Variants in PIP5K1B observed in about 807,000 individuals in gnomAD.
PIP5K1B encodes phosphatidylinositol 4-phosphate 5-kinase type-1 beta.
Under a neutral mutation model 67.0 loss-of-function variants are expected in PIP5K1B, and 42 were observed. The ratio of observed to expected loss-of-function variants is 0.63; its 90% CI spans 0.49 to 0.81. The LOEUF (loss-of-function observed/expected upper bound fraction) is 0.81. Ranked by LOEUF, PIP5K1B falls within the 30% of genes least tolerant of loss-of-function variation. The pLI is 0.00. For synonymous variants in PIP5K1B, 214 were observed against 231.4 expected (o/e 0.92, Z 0.68); for missense variants, 459 against 646.3 (o/e 0.71, Z 3.14).
intron 1 of PIP5K1B, among the ~76,000 whole-genome samples, chr9:68,718,900 T>C (rs562584572): frequency 6.6e-6 from 1 of 152,196 alleles, no homozygotes; most frequent in Middle Eastern, 3.2e-3. Context: ...TGTTGGCTAT[T>C]GAAAGTCCAT....
chr9:68,710,991 G>A (rs1587324352), intron 1 of PIP5K1B, among the ~76,000 whole-genome samples: 1 of 152,298 alleles, frequency 6.6e-6, no homozygotes, highest in East Asian at 1.9e-4. Context: ...TTCAGGCAAG[G>A]ATTGGAATTG....
chr9:68,835,337 T>C (rs1490755870), intron 4 of PIP5K1B, among the ~76,000 whole-genome samples: 1 of 152,222 alleles, frequency 6.6e-6, no homozygotes, highest in African/African-American at 2.4e-5. Flanking sequence ...AGGGAGTGTG[T>C]GGCCAGGGCC....
At chr9:68,772,647 G>A (rs977195666) in intron 2 of PIP5K1B, among the ~76,000 whole-genome samples, 2 of 152,160 alleles carry the variant, frequency 1.3e-5, no homozygotes, top group Non-Finnish European at 2.9e-5. Context: ...TCTTAGAAAT[G>A]TGGTTTTGCC....
chr9:69,002,916 G>A (rs1830888388), intron 15 of PIP5K1B, among the ~76,000 whole-genome samples: 1 of 152,190 alleles, frequency 6.6e-6, no homozygotes, highest in African/African-American at 2.4e-5. Context: ...GCAGGAGGCG[G>A]AGGTTGCAGT....
chr9:68,986,596 T>TA (rs973789244), intron 14 of PIP5K1B, among the ~76,000 whole-genome samples: 1 of 152,034 alleles, frequency 6.6e-6, no homozygotes, highest in African/African-American at 2.4e-5. Flanking sequence ...AACAACGTTT[T>TA]AAAAAAAAGA....
At chr9:68,877,718 C>CT (rs1334316094) in intron 6 of PIP5K1B, among the ~76,000 whole-genome samples, 1 of 152,148 alleles carries the variant, frequency 6.6e-6, no homozygotes, top group African/African-American at 2.4e-5. Flanking sequence ...GATGAAGACT[C>CT]TCGGATGTCT....
At chr9:68,822,919 A>G (rs1312865625) in intron 4 of PIP5K1B, among the ~76,000 whole-genome samples, 1 of 152,184 alleles carries the variant, frequency 6.6e-6, no homozygotes, top group Non-Finnish European at 1.5e-5. Context: ...ATGTGTTTGC[A>G]GAGCTGTATT....
chr9:68,988,268 A>T (rs1337318799), intron 14 of PIP5K1B, among the ~76,000 whole-genome samples: 1 of 151,322 alleles, frequency 6.6e-6, no homozygotes, highest in Non-Finnish European at 1.5e-5. Context: ...ATTAAAGTTT[A>T]AAAAAAAATT....
At chr9:68,949,455 C>T (rs1008958089) in intron 14 of PIP5K1B, among the ~76,000 whole-genome samples, 1 of 152,206 alleles carries the variant, frequency 6.6e-6, no homozygotes. Context: ...TGAAACAGCA[C>T]CTGTCTGTGG....
chr9:68,780,120 C>T (rs1277229370), intron 2 of PIP5K1B: 1 of 1,490,540 alleles, frequency 6.7e-7, no homozygotes, highest in Non-Finnish European at 8.9e-7. Flanking sequence ...GAATGGGAAT[C>T]CTAGGTCCCT....
At chr9:68,728,873 G>C (rs183506062) in intron 1 of PIP5K1B, 1 of 152,294 alleles carries the variant, frequency 6.6e-6, no homozygotes, top group African/African-American at 2.4e-5. Context: ...GCTTAAAGCT[G>C]AGAGTGTTTT....
intron 4 of PIP5K1B, among the ~76,000 whole-genome samples, chr9:68,860,780 G>A (rs1287494100): frequency 6.6e-6 from 1 of 152,174 alleles, no homozygotes; most frequent in Non-Finnish European, 1.5e-5. Flanking sequence ...GGTCAAATGA[G>A]TGAGGAGATT....
intron 4 of PIP5K1B, among the ~76,000 whole-genome samples, chr9:68,847,469 G>C (rs1391804912): frequency 6.8e-6 from 1 of 147,638 alleles, no homozygotes; most frequent in Non-Finnish European, 1.5e-5. Flanking sequence ...GTGTGTAGGT[G>C]GGGATAACAT....
chr9:68,875,586 A>T (rs553355092), intron 5 of PIP5K1B, among the ~76,000 whole-genome samples: 73 of 152,296 alleles, frequency 4.8e-4, no homozygotes, highest in Non-Finnish European at 9.8e-4. Context: ...TGATCTGAAC[A>T]ACTTAAACTA....
intron 6 of PIP5K1B, among the ~76,000 whole-genome samples, chr9:68,885,413 T>C (rs991342678): frequency 6.6e-6 from 1 of 152,310 alleles, no homozygotes; most frequent in Non-Finnish European, 1.5e-5. Context: ...TGAACACAGT[T>C]AATGTATATC....
chr9:68,858,126 A>G (rs1414886457), intron 4 of PIP5K1B, among the ~76,000 whole-genome samples: 4 of 152,034 alleles, frequency 2.6e-5, no homozygotes, highest in African/African-American at 9.7e-5. Context: ...GGTATGCGCC[A>G]CCATGCCCGG....
intron 2 of PIP5K1B, among the ~76,000 whole-genome samples, chr9:68,744,791 G>T (rs887405139): frequency 1.3e-5 from 2 of 152,052 alleles, no homozygotes; most frequent in African/African-American, 4.8e-5. Flanking sequence ...TTGTCTCTGG[G>T]GGCCTCTCAC....
At chr9:68,839,827 C>T (rs1353514030) in intron 4 of PIP5K1B, among the ~76,000 whole-genome samples, 3 of 152,140 alleles carry the variant, frequency 2.0e-5, no homozygotes, top group Admixed American at 6.5e-5. Flanking sequence ...CAGCCATGGT[C>T]GTCTCCATTC....
intron 4 of PIP5K1B, among the ~76,000 whole-genome samples, chr9:68,847,480 T>C (rs762187144): frequency 2.3e-5 from 3 of 128,522 alleles, no homozygotes; most frequent in Non-Finnish European, 3.3e-5. Flanking sequence ...GGGATAACAT[T>C]AGGCCAGAAG....
Sources: allele counts gnomAD v4.1 joint callset (sites outside exome capture counted in the v4.1 genomes callset), GRCh38; gene constraint gnomAD v4.1.1; transcripts MANE v1.5; gene names NCBI Gene and HGNC (gene_info 2026-07-23, HGNC 2026-07-21).